Variants in ITGA1 observed in about 807,000 individuals in gnomAD.
The protein encoded by ITGA1 is integrin subunit alpha 1, also known as integrin alpha-1.
Under a neutral mutation model 145.9 loss-of-function variants are expected in ITGA1, and 85 were observed. That is an observed-to-expected ratio of 0.58 (90% CI 0.49 to 0.70). The LOEUF (loss-of-function observed/expected upper bound fraction) is 0.70. Among genes scored for constraint, ITGA1 ranks in the 30% least tolerant of loss-of-function variants. The pLI, the probability that ITGA1 is intolerant of heterozygous loss-of-function variation, is 0.00. For missense variants in ITGA1, 1,351 were observed against 1,418.7 expected, an observed-to-expected ratio of 0.95 and a Z score of 0.77; for synonymous variants, 520 against 495.3, an observed-to-expected ratio of 1.05 and a Z score of -0.66.
chr5:52,872,682 C>T (rs895754619), intron 6 of ITGA1, among the ~76,000 whole-genome samples: 10 of 150,826 alleles, frequency 6.6e-5, no homozygotes, highest in African/African-American at 2.4e-4. Context: ...CCTCAGGCTC[C>T]CGAGTAGCTT....
rs773046342 is a variant in ITGA1, at chr5:52,945,047, A to G, written c.3378+12A>G. The G allele has an allele frequency of 3.2e-6, 5 of 1,585,816 alleles. No homozygotes were observed. Among genetic ancestry groups the G allele is most frequent in the Non-Finnish European group, 3.5e-6 (4 of 1,155,562 alleles). On this transcript the variant is annotated intron_variant, in intron 27 of 28. Transcript: ENST00000282588. ...ATCAAAAAAGAGAGGTAAGTGCAAC[A>G]TGAGTTTTGAAAACATTATGCATTT... is the stretch of plus-strand genomic sequence containing the variant.
intron 1 of ITGA1, among the ~76,000 whole-genome samples, chr5:52,819,391 T>C (rs980982455): frequency 1.8e-4 from 27 of 152,344 alleles, no homozygotes; most frequent in Admixed American, 1.8e-3. Flanking sequence ...ATTTCTCTGA[T>C]GGCCAGTGAT....
chr5:52,941,073 C>G lies in ITGA1; in HGVS notation c.3285+1129C>G, dbSNP rs182266124. ...TGTGGAATTTGCTTAGGATTATGGC[C>G]TCCATCTGCATGTATGTTGCTGCAA... On this transcript the variant is annotated intron_variant, in intron 26 of 28. Transcript: ENST00000282588. Among the ~76,000 whole-genome samples the G allele has an allele frequency of 1.2e-3, 177 of 152,216 alleles. 2 individuals carry two copies. The South Asian group carries it at 0.027, about 23-fold the overall frequency.
intron 20 of ITGA1, among the ~76,000 whole-genome samples, chr5:52,928,791 G>A (rs1750850172): frequency 6.6e-6 from 1 of 152,214 alleles, no homozygotes; most frequent in African/African-American, 2.4e-5. Flanking sequence ...GCTGAAGAAA[G>A]CAGAAACAGA....
At position 52,795,420 on chromosome 5, in the gene ITGA1, A is replaced by C. The variant is rs558738661; in HGVS notation, c.61+7006A>C. 2.0e-5 allele frequency among the ~76,000 whole-genome samples: 3 copies of C among 152,060 alleles called. No individual in the cohort carries two copies. The South Asian group carries it at 6.2e-4, about 32-fold the overall frequency. On this transcript the variant is annotated intron_variant, in intron 1 of 28. Transcript: ENST00000282588. ...ACAGCCCCGACTGTTTAAGGGTCAC[A>C]AGCTAAGCAGAGGGTATTAAAACAA...
chr5:52,826,994 A>G (rs1748976932), intron 1 of ITGA1, among the ~76,000 whole-genome samples: 1 of 152,082 alleles, frequency 6.6e-6, no homozygotes, highest in South Asian at 2.1e-4. Flanking sequence ...TCATAAGACT[A>G]TAGCTGTCAT....
chr5:52,893,101 A>T (rs1750175581), intron 8 of ITGA1, among the ~76,000 whole-genome samples: 1 of 152,170 alleles, frequency 6.6e-6, no homozygotes, highest in South Asian at 2.1e-4. Context: ...TCTCCTCTTC[A>T]TAAAAAAGAA....
chr5:52,932,195 G>T (rs10043218), intron 22 of ITGA1, 59 bp downstream of exon 22: 1 of 1,084,010 alleles, frequency 9.2e-7, no homozygotes, highest in Non-Finnish European at 1.4e-6. Flanking sequence ...GGTTCTGAAA[G>T]TGTGGTCCCT....
intron 18 of ITGA1, among the ~76,000 whole-genome samples, chr5:52,923,974 G>A (rs1378404025): frequency 3.3e-5 from 5 of 152,146 alleles, no homozygotes; most frequent in Non-Finnish European, 7.4e-5. Context: ...GAATAGAAAT[G>A]AGAGAAAGGG....
intron 22 of ITGA1, 58 bp from the exon 23 acceptor site, chr5:52,933,836 G>A: frequency 1.2e-6 from 1 of 811,840 alleles, no homozygotes; most frequent in Non-Finnish European, 1.9e-6. Flanking sequence ...AAAATAATGA[G>A]GCCAAATAAA....
At chr5:52,812,789 CTTT>C (rs61600951) in intron 1 of ITGA1, among the ~76,000 whole-genome samples, 230 of 86,046 alleles carry the variant, frequency 2.7e-3, no homozygotes, top group African/African-American at 8.4e-3. Context: ...CTTCTTATCG[CTTT>C]TTTTTTTTTT....
chr5:52,844,178 T>A (rs1749299219), intron 1 of ITGA1, among the ~76,000 whole-genome samples: 2 of 152,166 alleles, frequency 1.3e-5, no homozygotes, highest in African/African-American at 4.8e-5. Context: ...TGGGAGCAAG[T>A]CTTTTCATTT....
chr5:52,865,680 T>C lies in ITGA1; in HGVS notation c.497-10T>C, dbSNP rs765834901. On this transcript the variant is annotated splice_polypyrimidine_tract_variant and intron_variant, in intron 5 of 28. Transcript: ENST00000282588. ...ATTCCAAATTTGACAATTGACTCCTTTTATTGCAGAATGCAGCACTCAACT... is the reference window on the plus strand; with the variant it reads ...ATTCCAAATTTGACAATTGACTCCTCTTATTGCAGAATGCAGCACTCAACT... 9 of 1,519,042 alleles carry C rather than the reference T, an allele frequency of 5.9e-6. No homozygotes were observed. The Admixed American group carries it at 1.7e-4, about 28-fold the overall frequency. The allele number at this position is 1,519,042 out of a possible 1,614,324, so 94.1% of individuals were successfully genotyped here. A position where few individuals can be genotyped will look rare whatever the true frequency, so the allele number is the denominator to read the frequency against.
At chr5:52,822,971 G>T (rs1748903456) in intron 1 of ITGA1, among the ~76,000 whole-genome samples, 1 of 152,036 alleles carries the variant, frequency 6.6e-6, no homozygotes, top group South Asian at 2.1e-4. Context: ...GGTCGAATAG[G>T]GACTTTTCCA....
chr5:52,894,339 A>G (rs74751838), intron 9 of ITGA1, among the ~76,000 whole-genome samples: 3,495 of 152,224 alleles, frequency 0.023, 59 homozygotes, highest in South Asian at 0.035. Flanking sequence ...CTTAAAATCC[A>G]TGGCAATGAA....
At chr5:52,946,243 A>AT (rs1426225144) in intron 27 of ITGA1, among the ~76,000 whole-genome samples, 1 of 152,166 alleles carries the variant, frequency 6.6e-6, no homozygotes, top group African/African-American at 2.4e-5. Context: ...TATGTTTAAA[A>AT]TCTGCCTTGC....
chr5:52,854,481 A>T (rs2111759720), intron 2 of ITGA1, among the ~76,000 whole-genome samples: 1 of 152,228 alleles, frequency 6.6e-6, no homozygotes, highest in South Asian at 2.1e-4. Flanking sequence ...ACTGCAGTTA[A>T]TGGGTCACTG....
At chr5:52,867,020 T>C (rs1749697985) in intron 6 of ITGA1, 1 of 151,686 alleles carries the variant, frequency 6.6e-6, no homozygotes, top group Admixed American at 6.6e-5. Context: ...ATCTTCCTTT[T>C]TTTTTTTTTT....
chr5:52,819,824 A>G (rs1273499128), intron 1 of ITGA1, among the ~76,000 whole-genome samples: 3 of 152,094 alleles, frequency 2.0e-5, no homozygotes, highest in African/African-American at 7.2e-5. Context: ...TAATTTTTGT[A>G]TAAGGTGTAA....
Sources: allele counts gnomAD v4.1 joint callset (sites outside exome capture counted in the v4.1 genomes callset), GRCh38; gene constraint gnomAD v4.1.1; transcripts MANE v1.5; gene names NCBI Gene and HGNC (gene_info 2026-07-23, HGNC 2026-07-21).